Variants in DGKB observed in about 807,000 individuals in gnomAD.
DGKB encodes the protein 90 kDa diacylglycerol kinase.
Under a neutral mutation model 114.3 loss-of-function variants are expected in DGKB, and 67 were observed. The observed-to-expected ratio is 0.59, with a 90% CI of 0.48 to 0.72. The LOEUF is 0.72. Ranked by LOEUF, DGKB falls within the 30% of genes least tolerant of loss-of-function variation. The pLI, the probability that DGKB is intolerant of heterozygous loss-of-function variation, is 0.00. For synonymous variants in DGKB, 398 were observed against 323.1 expected, an observed-to-expected ratio of 1.23 and a Z score of -2.49; for missense variants, 907 against 975.2, an observed-to-expected ratio of 0.93 and a Z score of 0.93.
intron 21 of DGKB, among the ~76,000 whole-genome samples, chr7:14,379,066 ACATC>A (rs1045195407): frequency 2.0e-5 from 3 of 151,708 alleles, no homozygotes; most frequent in Non-Finnish European, 4.4e-5. Flanking sequence ...GTTTTTACCA[ACATC>A]CTTTTTTGAG....
chr7:14,245,781 A>C (rs1794384129), intron 23 of DGKB, among the ~76,000 whole-genome samples: 2 of 152,186 alleles, frequency 1.3e-5, no homozygotes, highest in Middle Eastern at 6.8e-3. Context: ...TACAAAAATT[A>C]GCTGGGCATG....
At chr7:14,321,785 A>G (rs1260336639) in intron 23 of DGKB, among the ~76,000 whole-genome samples, 1 of 152,172 alleles carries the variant, frequency 6.6e-6, no homozygotes, top group Non-Finnish European at 1.5e-5. Context: ...AGTAAAAGTT[A>G]GAAAATATAT....
At chr7:14,608,193 T>C (rs1198836408) in intron 16 of DGKB, among the ~76,000 whole-genome samples, 1 of 151,962 alleles carries the variant, frequency 6.6e-6, no homozygotes, top group Non-Finnish European at 1.5e-5. Context: ...CTTAGACAAA[T>C]ACTAAAAGTA....
intron 21 of DGKB, among the ~76,000 whole-genome samples, chr7:14,437,182 A>G (rs1163944929): frequency 1.3e-5 from 2 of 152,096 alleles, no homozygotes; most frequent in African/African-American, 2.4e-5. Context: ...TATATAGAGG[A>G]TCTGCAAGAA....
intron 4 of DGKB, among the ~76,000 whole-genome samples, chr7:14,749,068 T>C (rs956578075): frequency 6.6e-6 from 1 of 152,220 alleles, no homozygotes; most frequent in Non-Finnish European, 1.5e-5. Flanking sequence ...TAACTAATTA[T>C]ATCAAACTCA....
chr7:14,666,570 T>G (rs1818061512), intron 13 of DGKB, among the ~76,000 whole-genome samples: 1 of 152,036 alleles, frequency 6.6e-6, no homozygotes. Flanking sequence ...GAACATCTGT[T>G]TTGACAATCA....
chr7:14,475,399 C>T (rs898218389), intron 21 of DGKB, among the ~76,000 whole-genome samples: 1 of 152,108 alleles, frequency 6.6e-6, no homozygotes, highest in African/African-American at 2.4e-5. Flanking sequence ...GAATATATCA[C>T]ATTATGGTTT....
intron 23 of DGKB, among the ~76,000 whole-genome samples, chr7:14,258,291 T>C (rs1796241621): frequency 1.3e-5 from 2 of 152,206 alleles, no homozygotes; most frequent in South Asian, 2.1e-4. Flanking sequence ...AGAATAGAGG[T>C]AATCATGCTT....
At chr7:14,423,156 G>A (rs146891576) in intron 21 of DGKB, among the ~76,000 whole-genome samples, 96 of 152,120 alleles carry the variant, frequency 6.3e-4, no homozygotes, top group African/African-American at 2.3e-3. Context: ...CCAAATTATA[G>A]ATGGAAAACT....
chr7:14,823,460 CAT>C (rs1845223649), intron 2 of DGKB, among the ~76,000 whole-genome samples: 1 of 151,972 alleles, frequency 6.6e-6, no homozygotes, highest in Non-Finnish European at 1.5e-5. Flanking sequence ...ATCACTAAGA[CAT>C]AGAGAATTTC....
chr7:14,661,397 C>T (rs202060712), intron 13 of DGKB, among the ~76,000 whole-genome samples: 16 of 142,708 alleles, frequency 1.1e-4, no homozygotes, highest in East Asian at 4.3e-4. Context: ...GGGCGAAGGA[C>T]ATGAACAGAC....
intron 23 of DGKB, among the ~76,000 whole-genome samples, chr7:14,228,217 A>G (rs369769287): frequency 4.6e-5 from 7 of 152,020 alleles, no homozygotes; most frequent in African/African-American, 1.7e-4. Context: ...TTTGTAGAAC[A>G]CAGGGTAGAA....
chr7:14,863,784 T>C (rs796308909), intron 1 of DGKB, among the ~76,000 whole-genome samples: 36 of 152,018 alleles, frequency 2.4e-4, no homozygotes, highest in African/African-American at 8.4e-4. Context: ...GGGCAGTATA[T>C]GTTAAATTAA....
chr7:14,628,484 A>G (rs1809061892), intron 14 of DGKB, among the ~76,000 whole-genome samples: 1 of 152,186 alleles, frequency 6.6e-6, no homozygotes, highest in Admixed American at 6.5e-5. Context: ...AAGTGATAAG[A>G]TTGTGATATA....
chr7:14,404,247 C>T lies in DGKB; in HGVS notation c.1836-58856G>A, dbSNP rs558446024. On this transcript the variant is annotated intron_variant, in intron 21 of 25. Transcript: ENST00000402815. ...TTTGAGATGAATCATACATATGTCT[C>T]GGATATCCCCATTTAACCTCCTATT... is the stretch of plus-strand genomic sequence containing the variant. Among the ~76,000 whole-genome samples the T allele has an allele frequency of 2.6e-5, 4 of 151,434 alleles. 1 individual carries two copies. The South Asian group carries it at 6.3e-4, about 24-fold the overall frequency.
chr7:14,375,628 G>A (rs6947526), intron 21 of DGKB, among the ~76,000 whole-genome samples: 88,360 of 151,972 alleles, frequency 0.58, 26,105 homozygotes, highest in East Asian at 0.65. Flanking sequence ...GTCTCTCTTC[G>A]AATGTCACCT....
chr7:14,761,752 G>C (rs1835727066), intron 2 of DGKB, among the ~76,000 whole-genome samples: 1 of 152,178 alleles, frequency 6.6e-6, no homozygotes, highest in Non-Finnish European at 1.5e-5. Flanking sequence ...GCAGGCAGCT[G>C]TGAGCTTGGA....
chr7:14,436,005 C>T (rs1829187188), intron 21 of DGKB, among the ~76,000 whole-genome samples: 1 of 151,892 alleles, frequency 6.6e-6, no homozygotes, highest in African/African-American at 2.4e-5. Context: ...GTCTTTTTGG[C>T]ACAAAATATT....
At chr7:14,448,257 G>C (rs548399709) in intron 21 of DGKB, among the ~76,000 whole-genome samples, 3 of 152,088 alleles carry the variant, frequency 2.0e-5, no homozygotes, top group Non-Finnish European at 4.4e-5. Context: ...GGAAAATGGG[G>C]TGGAGAAAGA....
Sources: allele counts gnomAD v4.1 joint callset (sites outside exome capture counted in the v4.1 genomes callset), GRCh38; gene constraint gnomAD v4.1.1; transcripts MANE v1.5; gene names NCBI Gene and HGNC (gene_info 2026-07-23, HGNC 2026-07-21).